Variants in GAS7 observed in about 807,000 individuals in gnomAD.
The protein encoded by GAS7 is growth arrest specific 7.
GAS7 carries 28 observed loss-of-function variants against 71.1 expected under a neutral mutation model. The ratio of observed to expected loss-of-function variants is 0.39; its 90% CI spans 0.29 to 0.54. The LOEUF (loss-of-function observed/expected upper bound fraction) is 0.54, where lower values mean the gene tolerates loss of function less well. Among genes scored for constraint, GAS7 ranks in the 20% least tolerant of loss-of-function variants. The probability of loss-of-function intolerance (pLI) is 0.62; values close to 1 mark genes in which losing one functional copy is unlikely to be tolerated. For missense variants in GAS7, 436 were observed against 627.8 expected, an observed-to-expected ratio of 0.69 and a Z score of 3.27; for synonymous variants, 258 against 245.8, an observed-to-expected ratio of 1.05 and a Z score of -0.46.
intron 13 of GAS7, among the ~76,000 whole-genome samples, chr17:9,917,700 T>C (rs1283972867): frequency 6.6e-6 from 1 of 152,252 alleles, no homozygotes; most frequent in Non-Finnish European, 1.5e-5. Flanking sequence ...TTTTTTGGTT[T>C]TGTTTTTTAA....
At chr17:10,164,874 C>T (rs555220212) in intron 1 of GAS7, among the ~76,000 whole-genome samples, 8 of 139,658 alleles carry the variant, frequency 5.7e-5, no homozygotes, top group Admixed American at 3.6e-4. Flanking sequence ...AAAGGCTGGG[C>T]GCAGTGGCTC....
chr17:10,194,459 T>C lies in GAS7; in HGVS notation c.183+3749A>G, dbSNP rs1166202341. 2.0e-5 allele frequency among the ~76,000 whole-genome samples: 3 copies of C among 152,196 alleles called. No individual in the cohort carries two copies. The East Asian group carries it at 5.8e-4, about 29-fold the overall frequency. ...GGTACCATGTCTTTCTCTCCAAATT[T>C]TCCCCAGGATGGAGATCTAGGATTC... On this transcript the variant is annotated intron_variant, in intron 1 of 13. Transcript: ENST00000432992.
intron 4 of GAS7, among the ~76,000 whole-genome samples, chr17:9,964,550 C>T (rs1231603708): frequency 6.6e-6 from 1 of 152,176 alleles, no homozygotes; most frequent in East Asian, 1.9e-4. Flanking sequence ...ATCCACGATG[C>T]TATTCCCTCC....
chr17:9,979,102 T>C (rs1439421244), intron 3 of GAS7, among the ~76,000 whole-genome samples: 6 of 152,214 alleles, frequency 3.9e-5, no homozygotes, highest in Non-Finnish European at 8.8e-5. Flanking sequence ...GCTTAACACA[T>C]ATGTGGTATG....
At position 10,091,140 on chromosome 17, in the gene GAS7, C is replaced by G. The variant is rs9900705; in HGVS notation, c.184-71243G>C. ...TGTTTTACCTCCCATTCATCCTCTA[C>G]CCAGCAGCCAGAGTGATCCTTCCAA... On this transcript the variant is annotated intron_variant, in intron 1 of 13. Coordinates refer to ENST00000432992, the MANE Select transcript of GAS7 (RefSeq NM_201433.2). Among the ~76,000 whole-genome samples, 458 of 152,240 alleles carry G rather than the reference C, an allele frequency of 3.0e-3. 2 individuals carry two copies. The highest frequency in any genetic ancestry group is 0.011 in the African/African-American group (437 of 41,536).
intron 1 of GAS7, among the ~76,000 whole-genome samples, chr17:10,027,986 C>T (rs2072511058): frequency 1.3e-5 from 2 of 152,198 alleles, no homozygotes; most frequent in South Asian, 2.1e-4. Context: ...CAGGTTTAAA[C>T]AATTCTCTTG....
intron 1 of GAS7, among the ~76,000 whole-genome samples, chr17:10,029,975 G>A (rs1424282087): frequency 9.2e-5 from 14 of 152,118 alleles, no homozygotes; most frequent in African/African-American, 2.7e-4. Context: ...CCTTCCTCCC[G>A]TCCCCATAGT....
At chr17:10,010,404 A>G (rs111496693) in intron 2 of GAS7, among the ~76,000 whole-genome samples, 12,564 of 152,114 alleles carry the variant, frequency 0.083, 550 homozygotes, top group South Asian at 0.1. Context: ...CGCCCGCCTC[A>G]GCCTCCCAAA....
chr17:10,173,595 C>T (rs1329233111), intron 1 of GAS7, among the ~76,000 whole-genome samples: 2 of 152,050 alleles, frequency 1.3e-5, no homozygotes, highest in Non-Finnish European at 2.9e-5. Flanking sequence ...GGTGAAACCC[C>T]GTCTCTACTA....
intron 8 of GAS7, among the ~76,000 whole-genome samples, chr17:9,939,778 T>A (rs1356520134): frequency 6.6e-6 from 1 of 152,066 alleles, no homozygotes; most frequent in Non-Finnish European, 1.5e-5. Flanking sequence ...CCCGGCTAAT[T>A]CTTGTATTTT....
chr17:10,161,612 T>A (rs981702216), intron 1 of GAS7, among the ~76,000 whole-genome samples: 1 of 152,250 alleles, frequency 6.6e-6, no homozygotes, highest in African/African-American at 2.4e-5. Flanking sequence ...ACATTTCAGC[T>A]GACTGCTCAA....
At chr17:10,166,018 T>C (rs1055772831) in intron 1 of GAS7, among the ~76,000 whole-genome samples, 12 of 151,008 alleles carry the variant, frequency 7.9e-5, no homozygotes, top group East Asian at 3.9e-4. Context: ...TTTCTTTTTT[T>C]TTTTTTTCTT....
intron 2 of GAS7, among the ~76,000 whole-genome samples, chr17:10,019,432 A>C (rs151143194): frequency 6.6e-6 from 1 of 152,274 alleles, no homozygotes; most frequent in Non-Finnish European, 1.5e-5. Flanking sequence ...TATTCAAGCC[A>C]GCTGTTGACC....
At chr17:9,971,462 G>A (rs1443007618) in intron 3 of GAS7, among the ~76,000 whole-genome samples, 1 of 152,046 alleles carries the variant, frequency 6.6e-6, no homozygotes, top group African/African-American at 2.4e-5. Flanking sequence ...TAACTCGGGA[G>A]GCTGAGGTGG....
At chr17:9,965,454 A>C (rs4534887) in intron 4 of GAS7, among the ~76,000 whole-genome samples, 74,707 of 151,914 alleles carry the variant, frequency 0.49, 18,413 homozygotes, top group Admixed American at 0.53. Context: ...TAAGTGGGAG[A>C]TGAACAATGG....
chr17:10,127,739 C>T (rs2073962084), intron 1 of GAS7, among the ~76,000 whole-genome samples: 1 of 152,208 alleles, frequency 6.6e-6, no homozygotes, highest in Non-Finnish European at 1.5e-5. Flanking sequence ...CTCTGTCCCC[C>T]TAAACCCCCA....
intron 1 of GAS7, among the ~76,000 whole-genome samples, chr17:10,073,358 G>A (rs370254720): frequency 1.3e-5 from 2 of 152,202 alleles, no homozygotes; most frequent in East Asian, 3.8e-4. Context: ...CTCCTCCCCA[G>A]CCAGTGCAGG....
At chr17:9,951,041 C>T (rs918656391) in intron 5 of GAS7, among the ~76,000 whole-genome samples, 4 of 152,172 alleles carry the variant, frequency 2.6e-5, no homozygotes, top group South Asian at 2.1e-4. Flanking sequence ...GCCTTGGTTT[C>T]GGGCCGAGTC....
At chr17:9,970,842 A>G (rs902153335) in intron 3 of GAS7, among the ~76,000 whole-genome samples, 4 of 152,050 alleles carry the variant, frequency 2.6e-5, no homozygotes, top group Non-Finnish European at 4.4e-5. Flanking sequence ...TCAAGCCCCA[A>G]CGCCGCTACA....
Sources: gnomAD v4.1 joint callset for allele counts (sites outside exome capture counted in the v4.1 genomes callset) on GRCh38, gnomAD v4.1.1 for gene constraint, MANE v1.5 for transcripts, NCBI Gene and HGNC (gene_info 2026-07-23, HGNC 2026-07-21) for gene names.